The following FHAD1 variants were observed in gnomAD, a reference collection of about 807,000 sequenced individuals.
FHAD1 encodes the protein forkhead-associated domain-containing protein 1.
Under a neutral mutation model 191.3 loss-of-function variants are expected in FHAD1, and 146 were observed. The ratio of observed to expected loss-of-function variants is 0.76; its 90% CI spans 0.67 to 0.88. The LOEUF is 0.88. FHAD1 is among the 40% of genes least tolerant of loss of function. FHAD1 has a pLI of 0.00. For missense variants in FHAD1, 1,635 were observed against 1,785.8 expected (o/e 0.92, Z 1.52); for synonymous variants, 616 against 672.3 (o/e 0.92, Z 1.29).
At chr1:15,324,653 TAGAA>T (rs1480735067) in intron 11 of FHAD1, 94 bp downstream of exon 11, 14 of 858,292 alleles carry the variant, frequency 1.6e-5, no homozygotes, top group Non-Finnish European at 2.3e-5. Context: ...ACGCCCAAGG[TAGAA>T]AGACAGACGT....
chr1:15,236,660 C>G (rs1644820177), exon 1 of FHAD1, among the ~76,000 whole-genome samples: 1 of 152,252 alleles, frequency 6.6e-6, no homozygotes. Flanking sequence ...TACAGAGATT[C>G]TGTCTGAGGT....
chr1:15,320,402 A>AT (rs1558100620), intron 10 of FHAD1, among the ~76,000 whole-genome samples: 1 of 151,786 alleles, frequency 6.6e-6, no homozygotes, highest in Non-Finnish European at 1.5e-5. Flanking sequence ...GCTCTTGTTG[A>AT]TTTTTTTTGT....
At chr1:15,290,422 C>T (rs1558016467) in intron 4 of FHAD1, among the ~76,000 whole-genome samples, 2 of 152,128 alleles carry the variant, frequency 1.3e-5, no homozygotes, top group African/African-American at 4.8e-5. Context: ...CATTTTCTGT[C>T]CTCTTTGTCC....
intron 21 of FHAD1, 128 bp downstream of exon 21, chr1:15,358,411 CTT>C (rs1693561964): frequency 1.1e-6 from 1 of 891,632 alleles, no homozygotes; most frequent in Non-Finnish European, 1.7e-6. Context: ...CCAAGTAGCT[CTT>C]TCCTGTCAGG....
intron 32 of FHAD1, 81 bp from the exon 33 acceptor site, chr1:15,391,129 G>T: frequency 1.4e-6 from 1 of 727,670 alleles, no homozygotes; most frequent in Non-Finnish European, 2.0e-6. Context: ...TCTAAAAGTG[G>T]AGAAAAATCC....
chr1:15,283,538 A>C (rs930449013), intron 3 of FHAD1, among the ~76,000 whole-genome samples: 2 of 152,228 alleles, frequency 1.3e-5, no homozygotes, highest in Non-Finnish European at 2.9e-5. Flanking sequence ...GGTATAATTT[A>C]ATTGTAAGTA....
intron 3 of FHAD1, among the ~76,000 whole-genome samples, chr1:15,279,170 G>A (rs1659584528): frequency 6.6e-6 from 1 of 152,224 alleles, no homozygotes. Flanking sequence ...TTATAGCCTG[G>A]TGGGTTTTAC....
At chr1:15,339,583 TC>T (rs1685683732) in intron 15 of FHAD1, 32 bp downstream of exon 15, 2 of 1,156,124 alleles carry the variant, frequency 1.7e-6, no homozygotes, top group African/African-American at 1.6e-5. Context: ...TTTCCAAAGT[TC>T]ATTTCGGCCC....
chr1:15,369,208 T>C (rs1394044779), intron 25 of FHAD1, among the ~76,000 whole-genome samples, 162 bp from the exon 26 acceptor site: 3 of 152,204 alleles, frequency 2.0e-5, no homozygotes, highest in East Asian at 3.9e-4. Context: ...CTCCCATAAG[T>C]CCCCTGAAAC....
At chr1:15,249,637 TTC>T (rs376127485) in intron 1 of FHAD1, among the ~76,000 whole-genome samples, 9 of 152,222 alleles carry the variant, frequency 5.9e-5, no homozygotes, top group Non-Finnish European at 1.0e-4. Context: ...TTGTTTTTAT[TTC>T]TCTTACTCCC....
Position 15,313,250 on chromosome 1 carries a change from C to T in FHAD1, c.1170+63C>T, listed in dbSNP as rs1426350651. 2.5e-5 allele frequency: 34 copies of T among 1,338,218 alleles called. 1 individual carries two copies. The East Asian group carries it at 1.1e-3, about 43-fold the overall frequency. The allele number at this position is 1,338,218 out of a possible 1,614,324, so 82.9% of individuals were successfully genotyped here. ...GTGAAAAGCAGCTAAAGTGAAGTCA[C>T]GTGATATGCTTGTTTCATTCACCCT... On this transcript the variant is annotated intron_variant, in intron 8 of 33. Transcript: ENST00000688493.
chr1:15,279,260 T>A (rs976739620), intron 3 of FHAD1, among the ~76,000 whole-genome samples: 27 of 152,300 alleles, frequency 1.8e-4, no homozygotes, highest in African/African-American at 6.3e-4. Context: ...AATAAGCATA[T>A]TTTCCAGGAA....
rs1431459841 is a variant in FHAD1, at chr1:15,369,421, G to A, written c.3366G>A (p.Lys1122=). Reference sequence around the variant, plus strand: ...AGCTGAACACAGAGAAGGAACAGAAGCCCCGGAAGAAGACCCAGACGTGTG... The same window carrying A: ...AGCTGAACACAGAGAAGGAACAGAAACCCCGGAAGAAGACCCAGACGTGTG... ...RLQLNTEKEQ[K]PRKKTQTCDT... The change falls in exon 26 of 34, where the codon AAG becomes AAA. Residue 1122 remains lysine (K), a synonymous_variant. Transcript: ENST00000688493. 1 of 1,551,886 alleles carries A rather than the reference G, an allele frequency of 6.4e-7. No individual in the cohort carries two copies. Among genetic ancestry groups the A allele is most frequent in the Admixed American group, 2.0e-5 (1 of 51,014 alleles).
At position 15,289,654 on chromosome 1, in the gene FHAD1, G is replaced by A. The variant is rs201921509; in HGVS notation, c.556G>A (p.Val186Ile). ...GGTGGACGACGCCCGCAAGCCACCC[G>A]TCATCAAGCAAGGTATGCGTCAGGG... ...FVVDDARKPP[V>I]IKQVWTNAMK... is the part of the protein sequence containing the mutation. Residue 186 changes from valine (V) to isoleucine (I), a missense_variant, in exon 4 of 34, where the codon GTC (valine) becomes ATC (isoleucine). Physicochemically the swap from Val to Ile is conservative, Grantham distance 29. Coordinates refer to ENST00000688493, the MANE Select transcript of FHAD1 (RefSeq NM_001391957.1). The surrounding 1 kb of genome is among the most constrained non-coding windows in gnomAD (Gnocchi z 4.2). 5.1e-4 allele frequency: 788 copies of A among 1,548,116 alleles called. 1 individual carries two copies. Among genetic ancestry groups the A allele is most frequent in the Middle Eastern group, 3.5e-3 (21 of 5,982 alleles).
At chr1:15,343,381 C>A (rs1384366939) in intron 16 of FHAD1, among the ~76,000 whole-genome samples, 3 of 151,846 alleles carry the variant, frequency 2.0e-5, no homozygotes, top group Admixed American at 6.6e-5. Flanking sequence ...AGCAGCCCCC[C>A]AGATCCACCG....
At position 15,272,586 on chromosome 1, in the gene FHAD1, C is replaced by T. The variant is rs1003753218; in HGVS notation, c.300+57C>T. 12 of 1,471,706 alleles carry T rather than the reference C, an allele frequency of 8.2e-6. No individual in the cohort carries two copies. In the Admixed American group the frequency reaches 1.0e-4, roughly 12 times the overall value. The allele number at this position is 1,471,706 out of a possible 1,614,324, so 91.2% of individuals were successfully genotyped here. A position where few individuals can be genotyped will look rare whatever the true frequency, so the allele number is the denominator to read the frequency against. ...CATGTCGCCTTCGTGCAGCCCGGCG[C>T]TCGGATGCAGCTGCAGGGTGGCGCT... On this transcript the variant is annotated intron_variant, in intron 3 of 33. Coordinates refer to ENST00000688493, the MANE Select transcript of FHAD1 (RefSeq NM_001391957.1).
chr1:15,323,083 ATGATTCAG>A (rs1676917599), intron 10 of FHAD1, among the ~76,000 whole-genome samples: 1 of 152,310 alleles, frequency 6.6e-6, no homozygotes, highest in South Asian at 2.1e-4. Context: ...TCCGGCCCCC[ATGATTCAG>A]TTACCTCCCC....
At chr1:15,296,535 G>C in intron 4 of FHAD1, 149 bp from the exon 5 acceptor site, 1 of 769,976 alleles carries the variant, frequency 1.3e-6, no homozygotes, top group Non-Finnish European at 2.2e-6. Flanking sequence ...TTACAGGCGT[G>C]AGCCACAGCG....
chr1:15,297,785 C>A (rs905698937), intron 5 of FHAD1, among the ~76,000 whole-genome samples: 2 of 152,042 alleles, frequency 1.3e-5, no homozygotes, highest in African/African-American at 4.8e-5. Context: ...GGTTGGGACA[C>A]CTGGAATTAG....
Sources: allele counts gnomAD v4.1 joint callset (sites outside exome capture counted in the v4.1 genomes callset), GRCh38; gene constraint gnomAD v4.1.1; non-coding constraint Gnocchi (gnomAD v3.1); transcripts MANE v1.5; gene names NCBI Gene and HGNC (gene_info 2026-07-23, HGNC 2026-07-21).